Variants in CCDC171 observed in about 807,000 individuals in gnomAD.
CCDC171 encodes the protein coiled-coil domain containing 171, also known as coiled-coil domain-containing protein 171.
A neutral mutation model predicts 168.2 loss-of-function variants in CCDC171; 177 were observed. That is an observed-to-expected ratio of 1.05 (90% CI 0.93 to 1.19). The LOEUF is 1.19. Among genes scored for constraint, CCDC171 ranks in the 50% most tolerant of loss-of-function variants. CCDC171 has a pLI of 0.00. For synonymous variants in CCDC171, 687 were observed against 540.8 expected, an observed-to-expected ratio of 1.27 and a Z score of -3.75; for missense variants, 1,991 against 1,539.0, an observed-to-expected ratio of 1.29 and a Z score of -4.91.
chr9:16,045,677 G>A (rs1833649370), intron 1 of CCDC171, among the ~76,000 whole-genome samples: 1 of 152,202 alleles, frequency 6.6e-6, no homozygotes, highest in Non-Finnish European at 1.5e-5. Context: ...TAGAGCCAGA[G>A]CAGCACTTGG....
Position 15,972,934 on chromosome 9 carries a change from C to T in CCDC171, c.*1098C>T, listed in dbSNP as rs767619585. ...CAAGCAGGAAGGAGCTGAGTTCTAA[C>T]CACAAAGAGGTTTCTGGTAACTTAC... On this transcript the variant is annotated 3_prime_UTR_variant, in exon 26 of 26. Transcript: ENST00000380701. The T allele has an allele frequency of 1.4e-4, 22 of 152,186 alleles. No individual in the cohort carries two copies. The highest frequency in any genetic ancestry group is 3.2e-4 in the Non-Finnish European group (22 of 68,006). 9.4% of individuals were successfully genotyped at this position (152,186 alleles called of 1,614,324 possible). A position where few individuals can be genotyped will look rare whatever the true frequency, so the allele number is the denominator to read the frequency against.
Position 15,594,129 on chromosome 9 carries a change from AAC to A in CCDC171, c.634_635del (p.Gln212MetfsTer24). On this transcript the variant is annotated frameshift_variant, in exon 6 of 26. Coordinates refer to ENST00000380701, the MANE Select transcript of CCDC171 (RefSeq NM_173550.4). LOFTEE classifies it high-confidence loss of function. ...TTGGAGGAGTTTAGATTACAAGAAG[AAC>A]AATGGGAAGCAGAAAGAAGAGAATT... 1.3e-6 allele frequency: 2 copies of A among 1,491,344 alleles called. No homozygotes were observed. Among genetic ancestry groups the A allele is most frequent in the Non-Finnish European group, 1.9e-6 (2 of 1,073,034 alleles). The allele number at this position is 1,491,344 out of a possible 1,614,324, so 92.4% of individuals were successfully genotyped here.
intron 25 of CCDC171, among the ~76,000 whole-genome samples, chr9:15,941,958 T>C (rs534373900): frequency 6.6e-6 from 1 of 152,040 alleles, no homozygotes; most frequent in South Asian, 2.1e-4. Flanking sequence ...TTTGAATTCT[T>C]TTTCTTTTTA....
At chr9:15,558,672 C>T (rs2039011745) in intron 1 of CCDC171, among the ~76,000 whole-genome samples, 1 of 151,948 alleles carries the variant, frequency 6.6e-6, no homozygotes, top group Non-Finnish European at 1.5e-5. Flanking sequence ...TTGATCTTTT[C>T]CAAAAACCAG....
intron 24 of CCDC171, among the ~76,000 whole-genome samples, chr9:15,893,887 G>C (rs542078160): frequency 3.1e-4 from 47 of 152,176 alleles, no homozygotes; most frequent in African/African-American, 1.1e-3. Context: ...AAGACCTAGA[G>C]GCAGAAATAC....
chr9:16,092,487 C>T, the CCDC171 span, among the ~76,000 whole-genome samples: 32,651 of 152,056 alleles, frequency 0.21, 3,825 homozygotes, highest in African/African-American at 0.29. Flanking sequence ...CTCCACTTCC[C>T]CCTTTGTTTC....
chr9:15,623,140 C>T, intron 6 of CCDC171, 127 bp from the exon 7 acceptor site: 1 of 548,998 alleles, frequency 1.8e-6, no homozygotes, highest in South Asian at 5.8e-5. Flanking sequence ...GCCTCTTTTG[C>T]CTATATAAAT....
At chr9:15,749,753 A>G (rs2055585921) in intron 18 of CCDC171, among the ~76,000 whole-genome samples, 1 of 152,224 alleles carries the variant, frequency 6.6e-6, no homozygotes, top group Non-Finnish European at 1.5e-5. Flanking sequence ...AGGCAGAAAT[A>G]AAGATGTTCT....
intron 6 of CCDC171, among the ~76,000 whole-genome samples, chr9:15,610,509 T>C (rs4741516): frequency 0.55 from 78,025 of 141,938 alleles, 21,535 homozygotes; most frequent in East Asian, 0.77. Flanking sequence ...TGCCTGTAAT[T>C]CCAGCTACTT....
At chr9:15,651,996 C>A (rs1416525949) in intron 7 of CCDC171, among the ~76,000 whole-genome samples, 1 of 152,158 alleles carries the variant, frequency 6.6e-6, no homozygotes, top group Non-Finnish European at 1.5e-5. Flanking sequence ...AAGTCTCAAC[C>A]TCCTGGGCCC....
At chr9:15,672,637 G>A (rs1464466686) in intron 9 of CCDC171, among the ~76,000 whole-genome samples, 2 of 152,116 alleles carry the variant, frequency 1.3e-5, no homozygotes, top group Non-Finnish European at 2.9e-5. Context: ...TTTTTGTCAG[G>A]TTTGTTGAAG....
chr9:15,861,195 A>G (rs1239794147), intron 23 of CCDC171, among the ~76,000 whole-genome samples: 1 of 141,670 alleles, frequency 7.1e-6, no homozygotes, highest in East Asian at 2.1e-4. Flanking sequence ...TGAGTTTCTC[A>G]TAGACAGCGT....
At chr9:15,656,194 G>A (rs770214017) in intron 7 of CCDC171, among the ~76,000 whole-genome samples, 1 of 151,880 alleles carries the variant, frequency 6.6e-6, no homozygotes, top group Non-Finnish European at 1.5e-5. Flanking sequence ...TGGCCGGTAC[G>A]TGTAGTAGTC....
intron 7 of CCDC171, among the ~76,000 whole-genome samples, chr9:15,648,458 G>T (rs961851450): frequency 5.9e-5 from 9 of 152,166 alleles, no homozygotes; most frequent in Non-Finnish European, 1.2e-4. Context: ...AAGTCAAATT[G>T]TCCCTGTTTG....
intron 3 of CCDC171, among the ~76,000 whole-genome samples, chr9:15,997,929 C>A (rs1832421866): frequency 6.6e-6 from 1 of 152,172 alleles, no homozygotes; most frequent in Admixed American, 6.5e-5. Flanking sequence ...GCATCAATTA[C>A]CCCTGCCAAG....
At chr9:15,635,511 C>T (rs538448723) in intron 7 of CCDC171, among the ~76,000 whole-genome samples, 9 of 152,164 alleles carry the variant, frequency 5.9e-5, no homozygotes, top group East Asian at 3.9e-4. Flanking sequence ...CTCCCCATTC[C>T]ACTTTCTTCT....
intron 3 of CCDC171, among the ~76,000 whole-genome samples, chr9:16,010,300 T>G (rs181262757): frequency 6.6e-6 from 1 of 152,300 alleles, no homozygotes; most frequent in Admixed American, 6.5e-5. Flanking sequence ...TCTATAATGT[T>G]CAATAAAATA....
intron 3 of CCDC171, among the ~76,000 whole-genome samples, chr9:15,989,226 G>A (rs971142862): frequency 4.6e-5 from 7 of 152,106 alleles, no homozygotes; most frequent in Admixed American, 3.3e-4. Context: ...GCTCTGAGAC[G>A]AAGCTTCCAG....
upstream of CCDC171, among the ~76,000 whole-genome samples, chr9:16,037,871 G>T (rs1833501160): frequency 6.6e-6 from 1 of 152,054 alleles, no homozygotes; most frequent in African/African-American, 2.4e-5. Flanking sequence ...GAAAATGAAG[G>T]AGAAGAAATA....
Sources: gnomAD v4.1 joint callset for allele counts (sites outside exome capture counted in the v4.1 genomes callset) on GRCh38, gnomAD v4.1.1 for gene constraint, MANE v1.5 for transcripts, NCBI Gene and HGNC (gene_info 2026-07-23, HGNC 2026-07-21) for gene names.